The following TDRD5 variants were observed in gnomAD, a reference collection of about 807,000 sequenced individuals.
TDRD5 encodes the protein tudor domain containing 5.
In TDRD5, 41 loss-of-function variants were observed where a neutral mutation model predicts 120.6. That is an observed-to-expected ratio of 0.34 (90% confidence interval 0.26 to 0.44). TDRD5 has a LOEUF of 0.44. Ranked by LOEUF, TDRD5 falls within the 20% of genes least tolerant of loss-of-function variation. TDRD5 has a pLI of 1.00. For missense variants in TDRD5, 1,006 were observed against 1,221.2 expected (o/e 0.82, Z 2.63); for synonymous variants, 430 against 433.7 (o/e 0.99, Z 0.11).
At chr1:179,606,005 G>C (rs565173438) in intron 4 of TDRD5, among the ~76,000 whole-genome samples, 1 of 152,110 alleles carries the variant, frequency 6.6e-6, no homozygotes, top group East Asian at 1.9e-4. Context: ...TGTTTTTATA[G>C]GAAACTGCTA....
Position 179,669,070 on chromosome 1 carries a change from G to A in TDRD5, c.2650-124G>A. 3 of 948,264 alleles carry A rather than the reference G, an allele frequency of 3.2e-6. No homozygotes were observed. In the South Asian group the frequency reaches 5.7e-5, roughly 18 times the overall value. The allele number at this position is 948,264 out of a possible 1,614,324, so 58.7% of individuals were successfully genotyped here. On this transcript the variant is annotated intron_variant, in intron 16 of 17. Coordinates refer to ENST00000444136, the MANE Select transcript of TDRD5 (RefSeq NM_001199085.3). ...AGAGTATCTAGGTTCTTGAAAGTGA[G>A]TAGTTTTATTTATTTATTATAATAT...
chr1:179,669,463 T>A (rs1572424246), intron 17 of TDRD5, 59 bp downstream of exon 17: 1 of 1,587,478 alleles, frequency 6.3e-7, no homozygotes, highest in East Asian at 2.2e-5. Context: ...TTTGCCATGT[T>A]GCTAAAACAA....
At chr1:179,633,820 T>C (rs950521860) in intron 7 of TDRD5, among the ~76,000 whole-genome samples, 17 of 152,200 alleles carry the variant, frequency 1.1e-4, no homozygotes, top group African/African-American at 4.1e-4. Flanking sequence ...CTGTTTAATT[T>C]GAACAAGAAG....
chr1:179,685,522 C>T (rs1029830520), intron 17 of TDRD5, among the ~76,000 whole-genome samples: 14 of 152,084 alleles, frequency 9.2e-5, no homozygotes, highest in Non-Finnish European at 1.5e-4. Context: ...CTTGGCAATG[C>T]GGGCTCTGTT....
rs1477000068 is a variant in TDRD5, at chr1:179,634,584, G to C, written c.1254G>C (p.Gln418His). The change falls in exon 8 of 18, where the codon CAG (glutamine) becomes CAC (histidine). Residue 418 changes from glutamine to histidine, a missense_variant. By Grantham distance (24) the Gln-to-His change is conservative. Coordinates refer to ENST00000444136, the MANE Select transcript of TDRD5 (RefSeq NM_001199085.3). ...CPSKKQKEPQ[Q>H]KICKKPNLVV... Reference sequence around the variant, plus strand: ...CAAAAAAACAAAAAGAGCCACAACAGAAGATTTGCAAGAAGCCTAATCTGG... The same window carrying C: ...CAAAAAAACAAAAAGAGCCACAACACAAGATTTGCAAGAAGCCTAATCTGG... 1 of 1,613,936 alleles carries C rather than the reference G, an allele frequency of 6.2e-7. No individual in the cohort carries two copies. The highest frequency in any genetic ancestry group is 8.5e-7 in the Non-Finnish European group (1 of 1,179,968).
At chr1:179,598,940 T>A (rs1558369069) in intron 4 of TDRD5, among the ~76,000 whole-genome samples, 1 of 152,116 alleles carries the variant, frequency 6.6e-6, no homozygotes, top group Non-Finnish European at 1.5e-5. Flanking sequence ...AAATCTTGAC[T>A]TGTTCCTAAC....
Position 179,654,252 on chromosome 1 carries a change from G to T in TDRD5, c.2212G>T (p.Glu738Ter). The change falls in exon 14 of 18, where the codon GAG becomes TAG. Residue 738 changes from glutamate to a stop codon, truncating the protein, a stop_gained. Coordinates refer to ENST00000444136, the MANE Select transcript of TDRD5 (RefSeq NM_001199085.3). LOFTEE classifies it high-confidence loss of function. Reference protein sequence around the residue: ...SLSHLKSESKEPLKDSEFESL... With the variant: ...SLSHLKSESK The stretch of plus-strand genomic sequence containing the variant: ...AAGTCATCTTAAATCTGAGTCAAAG[G>T]AGCCATTAAAGGATTCTGAATTTGA... 1 of 1,548,442 alleles carries T rather than the reference G, an allele frequency of 6.5e-7. No homozygotes were observed. Among genetic ancestry groups the T allele is most frequent in the South Asian group, 1.2e-5 (1 of 83,672 alleles).
intron 4 of TDRD5, among the ~76,000 whole-genome samples, chr1:179,610,815 A>T (rs567698331): frequency 6.6e-6 from 1 of 151,566 alleles, no homozygotes; most frequent in Admixed American, 6.6e-5. Flanking sequence ...CTTTTTTTCT[A>T]TTTTTTTCCT....
At chr1:179,625,561 G>A (rs926942721) in intron 6 of TDRD5, among the ~76,000 whole-genome samples, 1 of 152,084 alleles carries the variant, frequency 6.6e-6, no homozygotes, top group African/African-American at 2.4e-5. Flanking sequence ...CACATTTTTG[G>A]TGCAAGTATA....
In TDRD5 at chr1:179,592,831, T is replaced by C; in HGVS notation, c.216T>C (p.Gly72=). 1 of 1,614,158 alleles carries C rather than the reference T, an allele frequency of 6.2e-7. No homozygotes were observed. The highest frequency in any genetic ancestry group is 8.5e-7 in the Non-Finnish European group (1 of 1,180,008). ...TTCGTGTCTGCCCCGGTGCAGGTGGTACTGTAATACTGAAAGGTAGGTTTA... is the reference window on the plus strand; with the variant it reads ...TTCGTGTCTGCCCCGGTGCAGGTGGCACTGTAATACTGAAAGGTAGGTTTA... The part of the protein sequence containing the change: ...DVVRVCPGAG[G]TVILKAIPDE... The change falls in exon 2 of 18, where the codon GGT becomes GGC. Residue 72 remains glycine (G), a synonymous_variant. Coordinates refer to ENST00000444136, the MANE Select transcript of TDRD5 (RefSeq NM_001199085.3).
intron 6 of TDRD5, among the ~76,000 whole-genome samples, chr1:179,625,573 A>T (rs1677077891): frequency 6.6e-6 from 1 of 152,218 alleles, no homozygotes; most frequent in African/African-American, 2.4e-5. Flanking sequence ...GCAAGTATAA[A>T]ATGGTACAAC....
intron 17 of TDRD5, among the ~76,000 whole-genome samples, chr1:179,671,147 A>G (rs140652471): frequency 5.3e-5 from 8 of 152,218 alleles, no homozygotes; most frequent in Non-Finnish European, 1.5e-5. Flanking sequence ...CCAAAAGTCA[A>G]TAGGCTGTAT....
chr1:179,621,199 C>A, intron 6 of TDRD5, 108 bp downstream of exon 6: 1 of 892,818 alleles, frequency 1.1e-6, no homozygotes, highest in Non-Finnish European at 1.6e-6. Context: ...TGCTCTAAAA[C>A]GGAAACATTT....
At chr1:179,605,510 G>A (rs767136255) in intron 4 of TDRD5, among the ~76,000 whole-genome samples, 6 of 152,122 alleles carry the variant, frequency 3.9e-5, no homozygotes, top group Non-Finnish European at 1.5e-5. Flanking sequence ...TTTGCTCTTG[G>A]TGTTGTACAT....
chr1:179,634,744 T>A, intron 8 of TDRD5, 115 bp downstream of exon 8: 1 of 1,219,168 alleles, frequency 8.2e-7, no homozygotes, highest in Non-Finnish European at 1.1e-6. Context: ...GGATATATCA[T>A]TTATTAGAAG....
chr1:179,633,937 C>T (rs946547587), intron 7 of TDRD5, among the ~76,000 whole-genome samples: 36 of 151,636 alleles, frequency 2.4e-4, no homozygotes, highest in East Asian at 3.9e-4. Context: ...TTTGGGAGGC[C>T]GAGGCGGGCA....
rs761083988 is a variant in TDRD5, at chr1:179,595,734, G to C, written c.747G>C (p.Pro249=). The change falls in exon 4 of 18, where the codon CCG becomes CCC. Residue 249 remains proline (P), a synonymous_variant. Coordinates refer to ENST00000444136, the MANE Select transcript of TDRD5 (RefSeq NM_001199085.3). The part of the protein sequence containing the change: ...FSQPTSNMEP[P]KQIMSMEKTS... ...AACCCACTTCAAACATGGAACCACC[G>C]AAGCAAATAATGAGCATGGAAAAGA... 4.3e-6 allele frequency: 7 copies of C among 1,613,716 alleles called. No individual in the cohort carries two copies. Among genetic ancestry groups the C allele is most frequent in the Non-Finnish European group, 5.9e-6 (7 of 1,179,848 alleles).
At chr1:179,690,050 C>A (rs1172079761) in intron 17 of TDRD5, among the ~76,000 whole-genome samples, 1 of 152,160 alleles carries the variant, frequency 6.6e-6, no homozygotes, top group Non-Finnish European at 1.5e-5. Flanking sequence ...CTGTGGGCTG[C>A]CCCCACTGTC....
intron 17 of TDRD5, among the ~76,000 whole-genome samples, chr1:179,679,650 A>C (rs532817734): frequency 7.2e-5 from 11 of 152,186 alleles, no homozygotes; most frequent in African/African-American, 2.6e-4. Context: ...TATTAACATA[A>C]ATTTTCATAT....
Sources: allele counts gnomAD v4.1 joint callset (sites outside exome capture counted in the v4.1 genomes callset), GRCh38; gene constraint gnomAD v4.1.1; transcripts MANE v1.5; gene names NCBI Gene and HGNC (gene_info 2026-07-23, HGNC 2026-07-21).